The following CPQ variants were observed in gnomAD, a reference collection of about 807,000 sequenced individuals.
CPQ encodes the protein carboxypeptidase Q, also known as Ser-Met dipeptidase.
Under a neutral mutation model 45.7 loss-of-function variants are expected in CPQ, and 37 were observed. That is an observed-to-expected ratio of 0.81 (90% CI 0.62 to 1.07). The LOEUF is 1.07. Ranked by LOEUF, CPQ falls within the 50% of genes least tolerant of loss-of-function variation. CPQ has a pLI of 0.00. For missense variants in CPQ, 537 were observed against 572.9 expected, an observed-to-expected ratio of 0.94 and a Z score of 0.64; for synonymous variants, 186 against 205.8, an observed-to-expected ratio of 0.90 and a Z score of 0.82.
chr8:96,746,628 A>T (rs1810186625), intron 1 of CPQ, among the ~76,000 whole-genome samples: 1 of 152,172 alleles, frequency 6.6e-6, no homozygotes, highest in Non-Finnish European at 1.5e-5. Flanking sequence ...GCTTTCATTG[A>T]CCTGTGCCTC....
chr8:96,961,218 G>A (rs940172011), intron 4 of CPQ, among the ~76,000 whole-genome samples: 28 of 152,148 alleles, frequency 1.8e-4, no homozygotes, highest in African/African-American at 6.8e-4. Flanking sequence ...TCATTTGTGT[G>A]ATTTTAAATT....
intron 4 of CPQ, among the ~76,000 whole-genome samples, chr8:96,925,009 T>C (rs1812854861): frequency 6.6e-6 from 1 of 152,230 alleles, no homozygotes; most frequent in South Asian, 2.1e-4. Flanking sequence ...GAGTGACTAA[T>C]ATCTGGGAAA....
chr8:97,066,662 T>C (rs775568260), intron 7 of CPQ, among the ~76,000 whole-genome samples: 1 of 152,158 alleles, frequency 6.6e-6, no homozygotes, highest in Non-Finnish European at 1.5e-5. Context: ...TAAAACACTG[T>C]GGTATCTGAA....
intron 2 of CPQ, among the ~76,000 whole-genome samples, chr8:96,793,875 T>G (rs2130816796): frequency 6.6e-6 from 1 of 152,346 alleles, no homozygotes; most frequent in South Asian, 2.1e-4. Flanking sequence ...CAGCCAAATC[T>G]TAAAGCTTCA....
chr8:96,888,101 G>A (rs1362279087), intron 4 of CPQ, among the ~76,000 whole-genome samples: 1 of 152,110 alleles, frequency 6.6e-6, no homozygotes, highest in East Asian at 1.9e-4. Context: ...GCATTGTGGG[G>A]TGTTTAGCAA....
At chr8:96,969,501 C>CAACA (rs1213472112) in intron 5 of CPQ, among the ~76,000 whole-genome samples, 1 of 152,098 alleles carries the variant, frequency 6.6e-6, no homozygotes, top group Non-Finnish European at 1.5e-5. Flanking sequence ...AGAAACAGAC[C>CAACA]AACATGGCTT....
In CPQ at chr8:97,143,001, C is replaced by A. The variant is rs763003126; in HGVS notation, c.1256-19C>A. ...CTGTCAAAATACTCCACTAAGAATT[C>A]TTCCTCTTTTATCCCCAGGAGCCAG... On this transcript the variant is annotated intron_variant, in intron 7 of 7. Coordinates refer to ENST00000220763, the MANE Select transcript of CPQ (RefSeq NM_016134.4). 6.2e-7 allele frequency: 1 copy of A among 1,612,112 alleles called. No individual in the cohort carries two copies. The highest frequency in any genetic ancestry group is 1.7e-5 in the Admixed American group (1 of 59,862).
chr8:96,789,776 T>C (rs550117497), intron 2 of CPQ, among the ~76,000 whole-genome samples: 1 of 152,322 alleles, frequency 6.6e-6, no homozygotes, highest in South Asian at 2.1e-4. Context: ...GCTTATTTTT[T>C]AGCCAGTGTT....
intron 3 of CPQ, among the ~76,000 whole-genome samples, chr8:96,861,726 C>A (rs1427469349): frequency 6.6e-6 from 1 of 152,098 alleles, no homozygotes; most frequent in Non-Finnish European, 1.5e-5. Flanking sequence ...CTGGTACCCA[C>A]AGGGATCATA....
intron 2 of CPQ, among the ~76,000 whole-genome samples, chr8:96,832,770 T>C (rs1451777212): frequency 6.6e-6 from 1 of 152,144 alleles, no homozygotes; most frequent in African/African-American, 2.4e-5. Context: ...CAGGGAAAAG[T>C]GTCTGTATAG....
chr8:96,951,470 G>A (rs555691749), intron 4 of CPQ, among the ~76,000 whole-genome samples: 5 of 152,220 alleles, frequency 3.3e-5, no homozygotes, highest in African/African-American at 1.2e-4. Flanking sequence ...GGAAGCTTCA[G>A]TTCAAACACC....
chr8:96,985,705 C>A (rs555512770), intron 5 of CPQ, among the ~76,000 whole-genome samples: 1 of 152,214 alleles, frequency 6.6e-6, no homozygotes, highest in Admixed American at 6.5e-5. Context: ...GTATTTTAAC[C>A]TTTTGTGTGT....
At chr8:97,114,774 G>C (rs1382140291) in intron 7 of CPQ, among the ~76,000 whole-genome samples, 1 of 152,174 alleles carries the variant, frequency 6.6e-6, no homozygotes, top group African/African-American at 2.4e-5. Context: ...AGTGAAATCT[G>C]TGCAGGCATT....
rs1405986058 is a variant in CPQ, at chr8:96,736,288, T to C, written c.-34-48576T>C. On this transcript the variant is annotated intron_variant, in intron 1 of 7. Transcript: ENST00000220763. ...GTTCTATGGTCAGATGCTCAGTCTC[T>C]ACTAGGGCTCAGTAGTATTCCAAGA... Among the ~76,000 whole-genome samples the C allele has an allele frequency of 2.0e-5, 3 of 152,210 alleles. No individual in the cohort carries two copies. In the South Asian group the frequency reaches 6.2e-4, roughly 32 times the overall value.
chr8:96,911,426 C>CT (rs1812662414), intron 4 of CPQ, among the ~76,000 whole-genome samples: 1 of 152,156 alleles, frequency 6.6e-6, no homozygotes, highest in Non-Finnish European at 1.5e-5. Context: ...GTCTTTGGGC[C>CT]TTGCACTTGC....
intron 7 of CPQ, among the ~76,000 whole-genome samples, chr8:97,089,437 C>T (rs1181772165): frequency 2.0e-5 from 3 of 152,090 alleles, no homozygotes; most frequent in South Asian, 2.1e-4. Context: ...GTCTCCCCTT[C>T]GAGACCAGAG....
At chr8:96,782,540 T>C (rs1256258069) in intron 1 of CPQ, among the ~76,000 whole-genome samples, 4 of 152,158 alleles carry the variant, frequency 2.6e-5, no homozygotes, top group African/African-American at 4.8e-5. Flanking sequence ...CATTTTCTTA[T>C]TGTCTTGATG....
chr8:96,742,184 G>C (rs1563485138), intron 1 of CPQ, among the ~76,000 whole-genome samples: 2 of 151,764 alleles, frequency 1.3e-5, no homozygotes, highest in South Asian at 2.1e-4. Context: ...ATATATTTAG[G>C]ATAGTTAGCT....
At chr8:97,030,371 T>C (rs1809880236) in intron 6 of CPQ, among the ~76,000 whole-genome samples, 1 of 139,666 alleles carries the variant, frequency 7.2e-6, no homozygotes, top group African/African-American at 2.9e-5. Flanking sequence ...ATTTTTGACC[T>C]TTTTTTTTTT....
Sources: gnomAD v4.1 joint callset for allele counts (sites outside exome capture counted in the v4.1 genomes callset) on GRCh38, gnomAD v4.1.1 for gene constraint, MANE v1.5 for transcripts, NCBI Gene and HGNC (gene_info 2026-07-23, HGNC 2026-07-21) for gene names.